GLG1: variants seen among roughly 807,000 people sequenced by gnomAD.
The protein encoded by GLG1 is golgi glycoprotein 1.
A neutral mutation model predicts 160.5 loss-of-function variants in GLG1; 38 were observed. The observed-to-expected ratio is 0.24, with a 90% CI of 0.18 to 0.31. The LOEUF is 0.31. GLG1 is among the 10% of genes least tolerant of loss of function. The pLI is 1.00. For missense variants in GLG1, 1,373 were observed against 1,505.2 expected, an observed-to-expected ratio of 0.91 and a Z score of 1.45; for synonymous variants, 644 against 543.4, an observed-to-expected ratio of 1.19 and a Z score of -2.57.
intron 1 of GLG1, among the ~76,000 whole-genome samples, chr16:74,582,494 T>G (rs1380105862): frequency 6.6e-6 from 1 of 152,130 alleles, no homozygotes; most frequent in Non-Finnish European, 1.5e-5. Flanking sequence ...TTAGATAGTC[T>G]CACCTTCTCT....
rs545940840 is a variant in GLG1, at chr16:74,514,351, G to A, written c.472-5426C>T. Among the ~76,000 whole-genome samples the A allele has an allele frequency of 2.6e-5, 4 of 152,240 alleles. No individual in the cohort carries two copies. The South Asian group carries it at 6.2e-4, about 24-fold the overall frequency. ...GACACATAATTGTCAGATTCACCAA[G>A]GTTGAAATGAAGGCAAAAATGTTAA... On this transcript the variant is annotated intron_variant, in intron 2 of 25. Coordinates refer to ENST00000422840, the MANE Select transcript of GLG1 (RefSeq NM_001145667.2).
intron 3 of GLG1, among the ~76,000 whole-genome samples, chr16:74,505,855 T>C (rs1424145022): frequency 1.1e-4 from 17 of 150,836 alleles, no homozygotes; most frequent in Admixed American, 1.1e-3. Context: ...ACTACTTCTC[T>C]AAACAAATAA....
At chr16:74,493,163 G>A in intron 6 of GLG1, 23 bp from the exon 7 acceptor site, 1 of 1,556,108 alleles carries the variant, frequency 6.4e-7, no homozygotes, top group Non-Finnish European at 8.8e-7. Flanking sequence ...TACAGCAACA[G>A]CCGTGAGACC....
chr16:74,577,569 A>G (rs570964734), intron 1 of GLG1, among the ~76,000 whole-genome samples: 2 of 152,054 alleles, frequency 1.3e-5, no homozygotes, highest in African/African-American at 4.8e-5. Flanking sequence ...AAAAACTATA[A>G]AACAGGAAGG....
At chr16:74,535,209 A>T (rs1429592392) in intron 1 of GLG1, among the ~76,000 whole-genome samples, 4 of 152,370 alleles carry the variant, frequency 2.6e-5, no homozygotes, top group African/African-American at 9.6e-5. Context: ...TCTATCAAAC[A>T]AATAAAATAA....
At position 74,606,651 on chromosome 16, in the gene GLG1, C is replaced by T. The variant is rs1190614315; in HGVS notation, c.438+6G>A. On this transcript the variant is annotated splice_donor_region_variant and intron_variant, in intron 1 of 25. Transcript: ENST00000422840. ...TGGCCCTCCCGGCTTCGTCCCACCTCCTCACCTCCCTCACATCCTGCAGGC... is the reference window on the plus strand; with the variant it reads ...TGGCCCTCCCGGCTTCGTCCCACCTTCTCACCTCCCTCACATCCTGCAGGC... 6.4e-7 allele frequency: 1 copy of T among 1,552,554 alleles called. No homozygotes were observed. Among genetic ancestry groups the T allele is most frequent in the South Asian group, 1.2e-5 (1 of 82,814 alleles).
chr16:74,460,639 A>G (rs935401959), intron 22 of GLG1, among the ~76,000 whole-genome samples: 26 of 152,340 alleles, frequency 1.7e-4, no homozygotes, highest in Middle Eastern at 3.4e-3. Context: ...CACCTGTGCC[A>G]GGGCTCATCA....
chr16:74,561,023 G>A (rs529154731), intron 1 of GLG1, among the ~76,000 whole-genome samples: 2 of 152,348 alleles, frequency 1.3e-5, no homozygotes, highest in African/African-American at 4.8e-5. Flanking sequence ...CTGGCACCAC[G>A]CAGTCCTGCG....
chr16:74,498,452 A>ATATATATATATATATATATATATAT (rs2016284559), intron 4 of GLG1, among the ~76,000 whole-genome samples: 1 of 91,674 alleles, frequency 1.1e-5, no homozygotes, highest in Non-Finnish European at 2.2e-5. Context: ...AAAAAAGTAT[A>ATATATATATATATATATATATATAT]TATATATATA....
At chr16:74,541,932 A>G (rs2017879258) in intron 1 of GLG1, among the ~76,000 whole-genome samples, 1 of 150,842 alleles carries the variant, frequency 6.6e-6, no homozygotes, top group African/African-American at 2.4e-5. Context: ...CTCAGAAAAT[A>G]TTTAGAATAC....
At chr16:74,572,525 A>C (rs1455345972) in intron 1 of GLG1, among the ~76,000 whole-genome samples, 1 of 141,590 alleles carries the variant, frequency 7.1e-6, no homozygotes, top group Non-Finnish European at 1.6e-5. Flanking sequence ...AAAAAAAACA[A>C]ACAAAAAAAA....
intron 1 of GLG1, among the ~76,000 whole-genome samples, chr16:74,590,797 AAAAAAAAAAAAAAAG>A (rs1401010071): frequency 1.1e-5 from 1 of 89,708 alleles, no homozygotes; most frequent in African/African-American, 3.1e-5. Context: ...AACTGTCTCA[AAAAAAAAAAAAAAAG>A]AAAAAAAAAA....
intron 4 of GLG1, among the ~76,000 whole-genome samples, chr16:74,502,728 T>G (rs11645515): frequency 7.1e-4 from 79 of 111,498 alleles, no homozygotes; most frequent in South Asian, 1.6e-3. Context: ...TTTGGTTTTT[T>G]TTTTTTTTTT....
intron 2 of GLG1, among the ~76,000 whole-genome samples, chr16:74,515,912 A>G (rs1048860917): frequency 1.5e-3 from 12 of 7,814 alleles, no homozygotes; most frequent in African/African-American, 3.0e-3. Context: ...GTCTCTGATA[A>G]AACAGACTCT....
chr16:74,461,914 T>G, intron 22 of GLG1, 180 bp downstream of exon 22: 1 of 549,300 alleles, frequency 1.8e-6, no homozygotes, highest in South Asian at 2.4e-5. Context: ...GTGTCAGGAC[T>G]AATGCCAAGT....
chr16:74,498,208 G>A (rs1280505254), intron 4 of GLG1, among the ~76,000 whole-genome samples: 1 of 151,016 alleles, frequency 6.6e-6, no homozygotes, highest in African/African-American at 2.4e-5. Flanking sequence ...CAAGGTGGGC[G>A]GATCACGAGG....
chr16:74,567,554 C>CTT (rs869140658), intron 1 of GLG1, among the ~76,000 whole-genome samples: 390 of 66,482 alleles, frequency 5.9e-3, no homozygotes, highest in Middle Eastern at 0.042. Context: ...GGTGCACTTT[C>CTT]TTTTTTTTTT....
At chr16:74,482,139 A>G (rs564723596) in intron 10 of GLG1, among the ~76,000 whole-genome samples, 1 of 152,034 alleles carries the variant, frequency 6.6e-6, no homozygotes, top group Non-Finnish European at 1.5e-5. Context: ...ACAGGTGCAC[A>G]CTACCATACC....
At chr16:74,514,646 A>T (rs150280300) in intron 2 of GLG1, among the ~76,000 whole-genome samples, 14,199 of 152,230 alleles carry the variant, frequency 0.093, 800 homozygotes, top group Non-Finnish European at 0.13. Flanking sequence ...GGAAGCACTA[A>T]ACATGGATAG....
Sources: allele counts gnomAD v4.1 joint callset (sites outside exome capture counted in the v4.1 genomes callset), GRCh38; gene constraint gnomAD v4.1.1; transcripts MANE v1.5; gene names NCBI Gene and HGNC (gene_info 2026-07-23, HGNC 2026-07-21).